CMIP: variants seen among roughly 807,000 people sequenced by gnomAD.
The protein encoded by CMIP is c-Maf inducing protein.
Under a neutral mutation model 97.3 loss-of-function variants are expected in CMIP, and 13 were observed. The ratio of observed to expected loss-of-function variants is 0.13; its 90% CI spans 0.09 to 0.21. The LOEUF (loss-of-function observed/expected upper bound fraction) is 0.21, where lower values mean the gene tolerates loss of function less well. Among genes scored for constraint, CMIP ranks in the 10% least tolerant of loss-of-function variants. The pLI, the probability that CMIP is intolerant of heterozygous loss-of-function variation, is 1.00. For synonymous variants in CMIP, 538 were observed against 436.3 expected, an observed-to-expected ratio of 1.23 and a Z score of -2.91; for missense variants, 847 against 1,024.9, an observed-to-expected ratio of 0.83 and a Z score of 2.37.
intron 1 of CMIP, among the ~76,000 whole-genome samples, chr16:81,452,615 C>T (rs966837733): frequency 3.3e-5 from 5 of 152,128 alleles, no homozygotes; most frequent in Non-Finnish European, 5.9e-5. Context: ...GGGGGAAGAG[C>T]GTTCCAGGTA....
intron 7 of CMIP, among the ~76,000 whole-genome samples, chr16:81,667,766 A>AGAGAG (rs2092620342): frequency 2.3e-5 from 2 of 85,138 alleles, no homozygotes; most frequent in African/African-American, 4.9e-5. Flanking sequence ...GAGGGAGAGA[A>AGAGAG]AGAGAGAGAG....
intron 1 of CMIP, among the ~76,000 whole-genome samples, chr16:81,568,884 A>G (rs1235251346): frequency 6.6e-6 from 1 of 152,238 alleles, no homozygotes; most frequent in Non-Finnish European, 1.5e-5. Flanking sequence ...AATGACCTTA[A>G]TAAGCCGAAG....
chr16:81,502,823 A>G (rs972805879), intron 1 of CMIP, among the ~76,000 whole-genome samples: 2 of 152,212 alleles, frequency 1.3e-5, no homozygotes, highest in African/African-American at 2.4e-5. Flanking sequence ...TGGCTATGTG[A>G]CCAGTATTTA....
chr16:81,497,945 C>G (rs747445839), intron 1 of CMIP, among the ~76,000 whole-genome samples: 2 of 152,378 alleles, frequency 1.3e-5, no homozygotes, highest in South Asian at 4.1e-4. Flanking sequence ...CAGTGCCTGC[C>G]GACTCTCCGG....
chr16:81,523,263 C>A (rs568210678), intron 1 of CMIP, among the ~76,000 whole-genome samples: 14 of 152,358 alleles, frequency 9.2e-5, no homozygotes, highest in African/African-American at 3.4e-4. Context: ...CCTTTTTCCA[C>A]CCTATCCGAC....
At chr16:81,667,302 C>G (rs1036891294) in intron 7 of CMIP, 2 of 152,212 alleles carry the variant, frequency 1.3e-5, no homozygotes, top group African/African-American at 4.8e-5. Flanking sequence ...GTATGTTCCT[C>G]TGGAGATTCA....
At chr16:81,527,857 T>C (rs2090162142) in intron 1 of CMIP, among the ~76,000 whole-genome samples, 1 of 152,256 alleles carries the variant, frequency 6.6e-6, no homozygotes, top group Admixed American at 6.5e-5. Flanking sequence ...TGTTGCCTTC[T>C]TAGGCTTTTA....
intron 7 of CMIP, among the ~76,000 whole-genome samples, chr16:81,667,766 A>AAGAGAGAGAGAGAGAG (rs59388984): frequency 2.7e-4 from 23 of 85,196 alleles, no homozygotes; most frequent in African/African-American, 3.4e-4. Flanking sequence ...GAGGGAGAGA[A>AAGAGAGAGAGAGAGAG]AGAGAGAGAG....
intron 10 of CMIP, among the ~76,000 whole-genome samples, chr16:81,683,756 CTTTTTTTTT>C (rs71272426): frequency 1.2e-5 from 1 of 81,612 alleles, no homozygotes; most frequent in Non-Finnish European, 2.3e-5. Flanking sequence ...TTTTCTTTTT[CTTTTTTTTT>C]TTTTTTTTTT....
chr16:81,574,813 C>T (rs1341541874), intron 1 of CMIP, among the ~76,000 whole-genome samples: 2 of 152,214 alleles, frequency 1.3e-5, no homozygotes, highest in Non-Finnish European at 2.9e-5. Context: ...GCAGCTCACA[C>T]TTCAGCTGAC....
chr16:81,585,302 T>C (rs1452800911), intron 1 of CMIP, among the ~76,000 whole-genome samples: 2 of 152,194 alleles, frequency 1.3e-5, no homozygotes, highest in Non-Finnish European at 2.9e-5. Flanking sequence ...GATTGTGCCA[T>C]TGTACTCCAG....
At chr16:81,490,409 C>G (rs566735261) in intron 1 of CMIP, among the ~76,000 whole-genome samples, 2 of 152,262 alleles carry the variant, frequency 1.3e-5, no homozygotes, top group East Asian at 3.9e-4. Flanking sequence ...TGCTTGAGCT[C>G]AGGAGTTCGA....
chr16:81,500,024 G>A (rs2089567204), intron 1 of CMIP, among the ~76,000 whole-genome samples: 2 of 152,116 alleles, frequency 1.3e-5, no homozygotes, highest in Admixed American at 6.5e-5. Context: ...TCTCTCTCCT[G>A]ATGCAGAACA....
intron 1 of CMIP, among the ~76,000 whole-genome samples, chr16:81,491,825 A>G (rs1263416253): frequency 1.3e-5 from 2 of 152,128 alleles, no homozygotes; most frequent in African/African-American, 2.4e-5. Context: ...ATCTGTACAC[A>G]TACTTTTATG....
chr16:81,573,007 C>A (rs181943547), intron 1 of CMIP, among the ~76,000 whole-genome samples: 1 of 152,166 alleles, frequency 6.6e-6, no homozygotes, highest in Non-Finnish European at 1.5e-5. Flanking sequence ...AATGAAATGA[C>A]CTCTGGTCCC....
chr16:81,566,146 C>T (rs2090980293), intron 1 of CMIP, among the ~76,000 whole-genome samples: 1 of 152,208 alleles, frequency 6.6e-6, no homozygotes, highest in Non-Finnish European at 1.5e-5. Context: ...GACAGAGGTG[C>T]TTCAGATTGG....
At chr16:81,501,613 T>TA (rs1160712621) in intron 1 of CMIP, among the ~76,000 whole-genome samples, 144 of 149,864 alleles carry the variant, frequency 9.6e-4, no homozygotes, top group African/African-American at 3.3e-3. Context: ...TGGTTCTTTT[T>TA]TTTTTTTTTT....
chr16:81,513,919 C>G (rs2089860851), intron 1 of CMIP, among the ~76,000 whole-genome samples: 2 of 152,246 alleles, frequency 1.3e-5, no homozygotes, highest in Admixed American at 1.3e-4. Context: ...GTGGGGCATT[C>G]TTGCCCCCAC....
intron 1 of CMIP, among the ~76,000 whole-genome samples, chr16:81,478,177 G>A (rs990889273): frequency 1.3e-5 from 2 of 152,202 alleles, no homozygotes; most frequent in African/African-American, 4.8e-5. Flanking sequence ...GGCGAAGGCT[G>A]GTCAGGGAGA....
Sources: allele counts gnomAD v4.1 joint callset (sites outside exome capture counted in the v4.1 genomes callset), GRCh38; gene constraint gnomAD v4.1.1; transcripts MANE v1.5; gene names NCBI Gene and HGNC (gene_info 2026-07-23, HGNC 2026-07-21).